TBC1D14: variants seen among roughly 807,000 people sequenced by gnomAD.
The protein encoded by TBC1D14 is TBC1 domain family member 14.
TBC1D14 carries 26 observed loss-of-function variants against 79.0 expected under a neutral mutation model. The ratio of observed to expected loss-of-function variants is 0.33; its 90% CI spans 0.24 to 0.46. The LOEUF is 0.46. Among genes scored for constraint, TBC1D14 ranks in the 20% least tolerant of loss-of-function variants. TBC1D14 has a pLI of 1.00. For synonymous variants in TBC1D14, 394 were observed against 349.9 expected (o/e 1.13, Z -1.40); for missense variants, 769 against 887.6 (o/e 0.87, Z 1.70).
At chr4:6,977,089 C>T (rs1369757521) in intron 3 of TBC1D14, among the ~76,000 whole-genome samples, 1 of 19,426 alleles carries the variant, frequency 5.1e-5, no homozygotes, top group African/African-American at 9.2e-5. Context: ...CTCCCTCTCC[C>T]CACTGTCTCC....
At chr4:6,915,432 A>T (rs1031919510) in intron 1 of TBC1D14, among the ~76,000 whole-genome samples, 5 of 152,180 alleles carry the variant, frequency 3.3e-5, no homozygotes, top group African/African-American at 9.6e-5. Context: ...CATGCTGTTT[A>T]CAGGGTGAGG....
intron 2 of TBC1D14, among the ~76,000 whole-genome samples, chr4:6,941,330 C>T (rs1340970892): frequency 3.3e-5 from 5 of 151,968 alleles, no homozygotes; most frequent in South Asian, 2.1e-4. Flanking sequence ...GGACTACAGG[C>T]GTCCGCCACC....
chr4:6,931,946 A>G (rs990384325), intron 2 of TBC1D14, among the ~76,000 whole-genome samples: 3 of 151,922 alleles, frequency 2.0e-5, no homozygotes, highest in Non-Finnish European at 4.4e-5. Flanking sequence ...CAGACTTAAG[A>G]GCTACGGAGA....
chr4:6,961,598 T>C (rs1715207515), intron 2 of TBC1D14, among the ~76,000 whole-genome samples: 1 of 152,000 alleles, frequency 6.6e-6, no homozygotes, highest in Admixed American at 6.6e-5. Context: ...GTGGTAGGCC[T>C]GAGGTAGGTG....
chr4:7,012,673 T>G (rs1720893806), intron 11 of TBC1D14, among the ~76,000 whole-genome samples: 1 of 152,250 alleles, frequency 6.6e-6, no homozygotes, highest in Non-Finnish European at 1.5e-5. Flanking sequence ...TAAACTATAG[T>G]GACTGTTGTA....
At chr4:6,945,681 G>A (rs369505870) in intron 2 of TBC1D14, among the ~76,000 whole-genome samples, 5 of 139,786 alleles carry the variant, frequency 3.6e-5, no homozygotes, top group South Asian at 4.6e-4. Flanking sequence ...CCCGGGAGGC[G>A]GAGGTTGCGG....
chr4:7,014,000 C>T (rs888634282), intron 11 of TBC1D14, among the ~76,000 whole-genome samples: 101 of 152,344 alleles, frequency 6.6e-4, no homozygotes, highest in African/African-American at 2.0e-3. Flanking sequence ...CCACCCGCCT[C>T]GGCCTCCCAA....
chr4:6,980,519 A>T (rs1393415711), intron 3 of TBC1D14, among the ~76,000 whole-genome samples: 3 of 152,216 alleles, frequency 2.0e-5, no homozygotes, highest in Admixed American at 2.0e-4. Context: ...GGAAGCAAGT[A>T]ATAAGTGTGA....
At chr4:7,024,949 C>A in intron 12 of TBC1D14, 55 bp from the exon 13 acceptor site, 1 of 1,597,068 alleles carries the variant, frequency 6.3e-7, no homozygotes, top group Non-Finnish European at 8.5e-7. Context: ...ATTCACTGTT[C>A]TTTCTTTGTT....
chr4:6,992,054 C>A (rs1718556117), intron 3 of TBC1D14, among the ~76,000 whole-genome samples: 2 of 152,202 alleles, frequency 1.3e-5, no homozygotes, highest in Admixed American at 6.5e-5. Flanking sequence ...GTGGCGCAGA[C>A]CAACAAGGGC....
intron 2 of TBC1D14, among the ~76,000 whole-genome samples, chr4:6,939,399 A>G (rs770347576): frequency 1.0e-3 from 153 of 149,238 alleles, no homozygotes; most frequent in Admixed American, 2.4e-3. Flanking sequence ...CTCATGCGCA[A>G]TGCCACCCGA....
chr4:6,913,714 T>C (rs950432258), intron 1 of TBC1D14, among the ~76,000 whole-genome samples: 1 of 152,248 alleles, frequency 6.6e-6, no homozygotes, highest in African/African-American at 2.4e-5. Flanking sequence ...GTAGTCTAAA[T>C]ATCTTCCTAA....
At chr4:6,940,890 G>A (rs114536751) in intron 2 of TBC1D14, among the ~76,000 whole-genome samples, 181 of 152,292 alleles carry the variant, frequency 1.2e-3, no homozygotes, top group African/African-American at 4.2e-3. Flanking sequence ...AGGGATCACC[G>A]CGTCCCGGCT....
chr4:6,990,303 G>T (rs1218304012), intron 3 of TBC1D14, among the ~76,000 whole-genome samples: 2 of 152,186 alleles, frequency 1.3e-5, no homozygotes, highest in Admixed American at 6.5e-5. Flanking sequence ...ACAAAAATTA[G>T]CTGGGCCTGG....
chr4:6,931,593 A>G (rs990540007), intron 2 of TBC1D14, among the ~76,000 whole-genome samples: 6 of 152,196 alleles, frequency 3.9e-5, no homozygotes, highest in African/African-American at 1.4e-4. Context: ...CAGACCTGCC[A>G]GTGGTCCAGC....
intron 2 of TBC1D14, among the ~76,000 whole-genome samples, chr4:6,930,104 G>A (rs10937766): frequency 0.54 from 82,818 of 152,110 alleles, 22,770 homozygotes; most frequent in East Asian, 0.67. Context: ...TTTGCAGGGC[G>A]GTGTTGGAAC....
chr4:6,998,021 A>G (rs561533299), intron 5 of TBC1D14, among the ~76,000 whole-genome samples: 2 of 152,304 alleles, frequency 1.3e-5, no homozygotes, highest in South Asian at 4.1e-4. Context: ...ACACACAAAA[A>G]AGTATATGTA....
chr4:6,988,885 C>CTTTTTTT lies in TBC1D14; in HGVS notation c.844-5282_844-5276dup, dbSNP rs34268749. Among the ~76,000 whole-genome samples, 131 of 76,812 alleles carry CTTTTTTT rather than the reference C, an allele frequency of 1.7e-3. 1 individual carries two copies. The highest frequency in any genetic ancestry group is 2.1e-3 in the African/African-American group (38 of 18,258). The allele number at this position is 76,812 out of a possible 152,430, so 50.4% of individuals were successfully genotyped here. A position where few individuals can be genotyped will look rare whatever the true frequency, so the allele number is the denominator to read the frequency against. Reference sequence around the variant, plus strand: ...TTCTTTTTTCTTTCTTTCTTTCTTTCTTTTTTTTTTTTTTTTTTTTTTTGA... The same window carrying CTTTTTTT: ...TTCTTTTTTCTTTCTTTCTTTCTTTCTTTTTTTTTTTTTTTTTTTTTTTTTTTTTTGA... On this transcript the variant is annotated intron_variant, in intron 3 of 13. Transcript: ENST00000409757.
chr4:6,985,897 ATAAT>A (rs1450211915), intron 3 of TBC1D14, among the ~76,000 whole-genome samples: 3 of 152,364 alleles, frequency 2.0e-5, no homozygotes, highest in African/African-American at 7.2e-5. Context: ...TGAGGTATAA[ATAAT>A]ATACCATGAG....
Sources: allele counts gnomAD v4.1 joint callset (sites outside exome capture counted in the v4.1 genomes callset), GRCh38; gene constraint gnomAD v4.1.1; transcripts MANE v1.5; gene names NCBI Gene and HGNC (gene_info 2026-07-23, HGNC 2026-07-21).